ATP9B: variants seen among roughly 807,000 people sequenced by gnomAD.
The protein encoded by ATP9B is ATPase phospholipid transporting 9B.
ATP9B carries 110 observed loss-of-function variants against 146.1 expected under a neutral mutation model. The observed-to-expected ratio is 0.75, with a 90% confidence interval of 0.65 to 0.88. ATP9B has a LOEUF of 0.88. ATP9B is among the 40% of genes least tolerant of loss of function. The pLI, the probability that ATP9B is intolerant of heterozygous loss-of-function variation, is 0.00. For missense variants in ATP9B, 1,499 were observed against 1,496.4 expected (o/e 1.00, Z -0.03); for synonymous variants, 604 against 569.7 (o/e 1.06, Z -0.86).
At chr18:79,233,605 C>T (rs570761374) in intron 11 of ATP9B, among the ~76,000 whole-genome samples, 1 of 152,294 alleles carries the variant, frequency 6.6e-6, no homozygotes, top group East Asian at 1.9e-4. Context: ...ATGAGGCCAC[C>T]CTCACGAGAG....
chr18:79,370,163 G>C (rs184525117), intron 26 of ATP9B, among the ~76,000 whole-genome samples: 2 of 152,198 alleles, frequency 1.3e-5, no homozygotes, highest in Non-Finnish European at 2.9e-5. Context: ...TGGTATGATA[G>C]AAATATACTT....
intron 13 of ATP9B, among the ~76,000 whole-genome samples, chr18:79,290,005 G>A (rs755105101): frequency 5.3e-5 from 8 of 152,126 alleles, no homozygotes; most frequent in Non-Finnish European, 8.8e-5. Flanking sequence ...GGCTGTGTGA[G>A]GTGTCAGTCT....
chr18:79,372,722 A>G (rs2148013268), intron 26 of ATP9B, 103 bp from the exon 27 acceptor site: 1 of 819,118 alleles, frequency 1.2e-6, no homozygotes. Flanking sequence ...GATGGGGCTT[A>G]TGGACCTGGG....
chr18:79,112,255 G>A (rs1426140031), intron 3 of ATP9B, among the ~76,000 whole-genome samples: 1 of 152,162 alleles, frequency 6.6e-6, no homozygotes, highest in African/African-American at 2.4e-5. Context: ...AAGAGATTGT[G>A]ATTTGTAAGT....
chr18:79,297,295 G>C (rs1193989588), intron 13 of ATP9B, among the ~76,000 whole-genome samples: 1 of 150,768 alleles, frequency 6.6e-6, no homozygotes, highest in Non-Finnish European at 1.5e-5. Context: ...AGGAGACACA[G>C]ACGACCCAGA....
intron 7 of ATP9B, among the ~76,000 whole-genome samples, chr18:79,158,300 G>A (rs1231579141): frequency 3.3e-5 from 5 of 151,822 alleles, no homozygotes; most frequent in Non-Finnish European, 5.9e-5. Context: ...TAGAGACAGG[G>A]TCTTGCTTTG....
chr18:79,320,229 T>TG (rs1238854139), intron 15 of ATP9B, among the ~76,000 whole-genome samples: 2 of 152,166 alleles, frequency 1.3e-5, no homozygotes, highest in African/African-American at 4.8e-5. Context: ...TGGACCTGTG[T>TG]GGGGAACTGA....
chr18:79,348,250 A>C, intron 25 of ATP9B, 54 bp downstream of exon 25: 15 of 15,230 alleles, frequency 9.8e-4, no homozygotes, highest in South Asian at 2.3e-3. Context: ...TCTATTTTGA[A>C]AAAAAAAAAA....
intron 13 of ATP9B, among the ~76,000 whole-genome samples, chr18:79,278,950 G>A (rs1213090313): frequency 6.6e-6 from 1 of 152,192 alleles, no homozygotes; most frequent in Non-Finnish European, 1.5e-5. Flanking sequence ...CAGTTTGCAG[G>A]TGAGAGCAGA....
intron 18 of ATP9B, 141 bp downstream of exon 18, chr18:79,336,852 G>A (rs1568736521): frequency 1.3e-5 from 10 of 795,872 alleles, no homozygotes; most frequent in Non-Finnish European, 1.8e-5. Context: ...GCAGGAGCAT[G>A]GGGTGATCCT....
At chr18:79,074,550 G>A (rs962889279) in intron 1 of ATP9B, among the ~76,000 whole-genome samples, 7 of 152,334 alleles carry the variant, frequency 4.6e-5, no homozygotes, top group Admixed American at 2.0e-4. Flanking sequence ...GACCAGTCTC[G>A]GGCATGAGGG....
intron 11 of ATP9B, among the ~76,000 whole-genome samples, chr18:79,219,657 CCTCTT>C (rs1448157765): frequency 1.3e-5 from 2 of 152,110 alleles, no homozygotes; most frequent in African/African-American, 2.4e-5. Context: ...GTCTCCCTCC[CCTCTT>C]CTCTTTCTTT....
chr18:79,348,247 T>TAA, intron 25 of ATP9B, 51 bp downstream of exon 25: 7 of 1,094,232 alleles, frequency 6.4e-6, no homozygotes, highest in Non-Finnish European at 6.2e-6. Flanking sequence ...ACTTCTATTT[T>TAA]GAAAAAAAAA....
intron 8 of ATP9B, among the ~76,000 whole-genome samples, chr18:79,187,509 A>G (rs2095318999): frequency 1.3e-5 from 2 of 152,250 alleles, no homozygotes; most frequent in African/African-American, 2.4e-5. Flanking sequence ...GCATTCTTTA[A>G]GTGAGAACCA....
At chr18:79,145,103 G>A in intron 6 of ATP9B, 1 of 154,338 alleles carries the variant, frequency 6.5e-6, no homozygotes, top group Admixed American at 7.0e-5. Flanking sequence ...GAGAGTGACT[G>A]AAGGTGCAAG....
rs780251241 is a variant in ATP9B at position 79,113,337 on chromosome 18, A to G, written c.541A>G (p.Thr181Ala). 2 of 1,566,206 alleles carry G rather than the reference A, an allele frequency of 1.3e-6. No individual in the cohort carries two copies. Among genetic ancestry groups the G allele is most frequent in the Non-Finnish European group, 1.8e-6 (2 of 1,140,288 alleles). Residue 181 changes from threonine to alanine, a missense_variant, in exon 4 of 30, where the codon ACC becomes GCC. Transcript: ENST00000426216. ...VPALKIGYLY[T>A]YWAPLGFVLA... is the part of the protein sequence containing the mutation. ...AGCATTGAAAATAGGCTATCTCTAC[A>G]CCTACTGGGCTCCTCTGGTAAGAAA...
At chr18:79,199,084 T>G (rs1032256672) in intron 9 of ATP9B, among the ~76,000 whole-genome samples, 4 of 152,014 alleles carry the variant, frequency 2.6e-5, no homozygotes, top group Non-Finnish European at 2.9e-5. Context: ...CCTGAGTAGC[T>G]GGGATTAGAG....
intron 26 of ATP9B, chr18:79,363,055 CTCTG>C (rs1178375868): frequency 7.2e-6 from 1 of 139,050 alleles, no homozygotes; most frequent in African/African-American, 3.0e-5. Flanking sequence ...ATAAAAATAT[CTCTG>C]TTTGTGGATG....
intron 7 of ATP9B, among the ~76,000 whole-genome samples, chr18:79,155,653 G>A (rs1371527896): frequency 3.3e-5 from 5 of 151,722 alleles, no homozygotes; most frequent in Non-Finnish European, 5.9e-5. Context: ...CTGTAGAAAG[G>A]ACTGTTAGAT....
Sources: gnomAD v4.1 joint callset for allele counts (sites outside exome capture counted in the v4.1 genomes callset) on GRCh38, gnomAD v4.1.1 for gene constraint, MANE v1.5 for transcripts, NCBI Gene and HGNC (gene_info 2026-07-23, HGNC 2026-07-21) for gene names.